Variants in ARHGEF7 observed in about 807,000 individuals in gnomAD.
ARHGEF7 encodes PAK-interacting exchange factor beta.
In ARHGEF7, 33 loss-of-function variants were observed where a neutral mutation model predicts 109.8. That is an observed-to-expected ratio of 0.30 (90% CI 0.23 to 0.40). The LOEUF is 0.40. Ranked by LOEUF, ARHGEF7 falls within the 10% of genes least tolerant of loss-of-function variation. ARHGEF7 has a pLI of 1.00. For synonymous variants in ARHGEF7, 458 were observed against 424.6 expected, an observed-to-expected ratio of 1.08 and a Z score of -0.97; for missense variants, 938 against 1,098.5, an observed-to-expected ratio of 0.85 and a Z score of 2.07.
At chr13:111,196,745 G>A (rs755502168) in intron 2 of ARHGEF7, among the ~76,000 whole-genome samples, 1 of 86,112 alleles carries the variant, frequency 1.2e-5, no homozygotes, top group Non-Finnish European at 2.3e-5. Flanking sequence ...ATGGGGGTAA[G>A]CTGAGAGGTC....
chr13:111,284,822 C>CG (rs199922101), intron 16 of ARHGEF7, among the ~76,000 whole-genome samples: 3,198 of 152,264 alleles, frequency 0.021, 113 homozygotes, highest in African/African-American at 0.074. Flanking sequence ...CTGGCTCTGG[C>CG]TCAGGTGTGC....
rs1181794445 is a variant in ARHGEF7, at chr13:111,272,672, G to A, written c.1074-1142G>A. Reference sequence around the variant, plus strand: ...CACCTGGGTCTCCTGGATGGGATGTGGTGACTGAGAAGTCATCCTGGTCTG... The same window carrying A: ...CACCTGGGTCTCCTGGATGGGATGTAGTGACTGAGAAGTCATCCTGGTCTG... On this transcript the variant is annotated intron_variant, in intron 9 of 21. Transcript: ENST00000646102. This position sits in a 1 kb window ranked among gnomAD's most constrained non-coding sequence, Gnocchi z 5.2. 6.6e-6 allele frequency among the ~76,000 whole-genome samples: 1 copy of A among 152,104 alleles called. No individual in the cohort carries two copies. The highest frequency in any genetic ancestry group is 6.5e-5 in the Admixed American group (1 of 15,280).
chr13:111,195,102 CT>C (rs1054205510), intron 2 of ARHGEF7, among the ~76,000 whole-genome samples: 19 of 152,156 alleles, frequency 1.2e-4, no homozygotes, highest in African/African-American at 4.6e-4. Context: ...TAACAATATC[CT>C]GTAATACTTT....
chr13:111,300,774 G>A lies in ARHGEF7; in HGVS notation c.2338G>A (p.Val780Ile), dbSNP rs1190476047. ...SRSRKESAPQ[V>I]LLPEEEKIIV... ...TTCACGCAAAGAATCTGCTCCACAA[G>A]TTTTGCTTCCAGAAGAAGAGAAAAT... The change falls in exon 20 of 22, where the codon GTT becomes ATT. Residue 780 changes from valine (V) to isoleucine (I), a missense_variant. This residue lies in a region of ARHGEF7 where 166 missense variants were observed against 167.3 expected (regional missense o/e 0.99). Transcript: ENST00000646102. The A allele has an allele frequency of 1.9e-6, 3 of 1,611,632 alleles. No homozygotes were observed. In the African/African-American group the frequency reaches 4.0e-5, roughly 22 times the overall value.
At chr13:111,170,512 G>A (rs2077504926) in intron 2 of ARHGEF7, among the ~76,000 whole-genome samples, 1 of 152,194 alleles carries the variant, frequency 6.6e-6, no homozygotes, top group Non-Finnish European at 1.5e-5. Flanking sequence ...ATGTAGGGAA[G>A]CTGGGTGAGA....
chr13:111,299,198 G>T (rs191868263), intron 19 of ARHGEF7, among the ~76,000 whole-genome samples: 6 of 152,332 alleles, frequency 3.9e-5, no homozygotes, highest in Non-Finnish European at 7.3e-5. Flanking sequence ...GGTTCCTGTT[G>T]CACGCTGCTG....
intron 8 of ARHGEF7, among the ~76,000 whole-genome samples, chr13:111,245,685 GTGTT>G (rs1481362607): frequency 1.1e-4 from 16 of 152,276 alleles, no homozygotes; most frequent in African/African-American, 3.9e-4. Context: ...ACTGCACTGT[GTGTT>G]TGTTAGCAGT....
At chr13:111,283,906 C>T (rs768502872) in intron 16 of ARHGEF7, among the ~76,000 whole-genome samples, 5 of 152,038 alleles carry the variant, frequency 3.3e-5, no homozygotes, top group Admixed American at 6.5e-5. Context: ...TGTTCTCATC[C>T]GGCATTTTTA....
intron 1 of ARHGEF7, among the ~76,000 whole-genome samples, chr13:111,133,311 C>A (rs2074880881): frequency 6.6e-6 from 1 of 152,072 alleles, no homozygotes; most frequent in Non-Finnish European, 1.5e-5. Flanking sequence ...TATGCCTATA[C>A]ACATGGATAT....
intron 1 of ARHGEF7, among the ~76,000 whole-genome samples, chr13:111,133,959 C>T (rs558392316): frequency 5.3e-5 from 8 of 151,026 alleles, no homozygotes; most frequent in African/African-American, 1.7e-4. Flanking sequence ...CTCCTCCCCC[C>T]ACCCCACAAC....
At chr13:111,172,793 T>C (rs530405567) in intron 2 of ARHGEF7, among the ~76,000 whole-genome samples, 3 of 152,356 alleles carry the variant, frequency 2.0e-5, no homozygotes, top group African/African-American at 7.2e-5. Context: ...TCACAATTAT[T>C]CTGCCGTTGT....
chr13:111,150,693 C>T (rs2075844238), intron 1 of ARHGEF7, among the ~76,000 whole-genome samples: 1 of 152,170 alleles, frequency 6.6e-6, no homozygotes. Context: ...TGGTGGCTTC[C>T]TTGTTGGCGT....
rs972458578 is a variant in ARHGEF7, at chr13:111,228,887, T to A, written c.671-4318T>A. Among the ~76,000 whole-genome samples, 2 of 152,084 alleles carry A rather than the reference T, an allele frequency of 1.3e-5. No individual in the cohort carries two copies. The highest frequency in any genetic ancestry group is 2.9e-5 in the Non-Finnish European group (2 of 68,010). ...TGAAGCCAGCGGTGATGATTAACTC[T>A]GGACTTTGCTGGGTTGGTGACACGT... On this transcript the variant is annotated intron_variant, in intron 5 of 21. Coordinates refer to ENST00000646102, the MANE Select transcript of ARHGEF7 (RefSeq NM_001354046.2). This position sits in a 1 kb window ranked among gnomAD's most constrained non-coding sequence, Gnocchi z 4.6.
chr13:111,160,308 T>C (rs910649728), intron 2 of ARHGEF7, among the ~76,000 whole-genome samples: 3 of 152,152 alleles, frequency 2.0e-5, no homozygotes, highest in Non-Finnish European at 4.4e-5. Flanking sequence ...TTGTTCTTTT[T>C]ACTCAAGAAT....
At chr13:111,189,036 A>G (rs1190181503) in intron 2 of ARHGEF7, among the ~76,000 whole-genome samples, 2 of 152,216 alleles carry the variant, frequency 1.3e-5, no homozygotes, top group Non-Finnish European at 2.9e-5. Context: ...CTCTGCTCCA[A>G]GTGTCTTTCT....
intron 1 of ARHGEF7, among the ~76,000 whole-genome samples, chr13:111,133,184 T>C (rs2074867565): frequency 6.6e-6 from 1 of 152,116 alleles, no homozygotes. Context: ...TGCACGTGTA[T>C]GTATGTGTAT....
intron 2 of ARHGEF7, among the ~76,000 whole-genome samples, chr13:111,166,616 G>T (rs892376515): frequency 6.6e-6 from 1 of 152,190 alleles, no homozygotes; most frequent in Non-Finnish European, 1.5e-5. Context: ...TTTACAGATG[G>T]ACTAGATGGG....
In ARHGEF7 at chr13:111,293,929, T is replaced by G. The variant is rs1456958095; in HGVS notation, c.2311+1635T>G. 3.0e-6 allele frequency: 3 copies of G among 985,196 alleles called. No homozygotes were observed. In the African/African-American group the frequency reaches 5.2e-5, roughly 17 times the overall value. 61.0% of individuals were successfully genotyped at this position (985,196 alleles called of 1,614,324 possible). A position where few individuals can be genotyped will look rare whatever the true frequency, so the allele number is the denominator to read the frequency against. ...GAGCTCCTGGCAGTAGCACGTTGTT[T>G]AGAAAGTTGGGTGGCTTCATTCAGC... On this transcript the variant is annotated intron_variant, in intron 19 of 21. Transcript: ENST00000646102.
At chr13:111,127,051 G>A (rs566855172) in intron 1 of ARHGEF7, among the ~76,000 whole-genome samples, 8 of 152,196 alleles carry the variant, frequency 5.3e-5, no homozygotes, top group South Asian at 2.1e-4. Flanking sequence ...TAGGAAAAAC[G>A]GGGAAAAGAC....
Sources: allele counts gnomAD v4.1 joint callset (sites outside exome capture counted in the v4.1 genomes callset), GRCh38; gene constraint gnomAD v4.1.1; regional missense constraint gnomAD v4.1.1; non-coding constraint Gnocchi (gnomAD v3.1); transcripts MANE v1.5; gene names NCBI Gene and HGNC (gene_info 2026-07-23, HGNC 2026-07-21).